Variants in OGDHL observed in about 807,000 individuals in gnomAD.
The protein encoded by OGDHL is oxoglutarate dehydrogenase L, also known as 2-oxoglutarate dehydrogenase-like, mitochondrial.
OGDHL carries 79 observed loss-of-function variants against 109.6 expected under a neutral mutation model. The ratio of observed to expected loss-of-function variants is 0.72; its 90% CI spans 0.60 to 0.87. The LOEUF (loss-of-function observed/expected upper bound fraction) is 0.87, where lower values mean the gene tolerates loss of function less well. OGDHL is among the 40% of genes least tolerant of loss of function. The pLI, the probability that OGDHL is intolerant of heterozygous loss-of-function variation, is 0.00. For missense variants in OGDHL, 1,275 were observed against 1,362.2 expected, an observed-to-expected ratio of 0.94 and a Z score of 1.01; for synonymous variants, 528 against 537.2, an observed-to-expected ratio of 0.98 and a Z score of 0.24.
At chr10:49,743,209 C>A (rs978952322) in intron 14 of OGDHL, among the ~76,000 whole-genome samples, 6 of 152,224 alleles carry the variant, frequency 3.9e-5, no homozygotes, top group African/African-American at 1.2e-4. Context: ...AAGCATTGGC[C>A]ACGTTGCAGA....
intron 3 of OGDHL, chr10:49,756,455 A>G (rs1178905616): frequency 4.6e-6 from 1 of 215,978 alleles, no homozygotes; most frequent in Non-Finnish European, 9.1e-6. Context: ...ACAAGGGTTA[A>G]TCTACTCACC....
rs1564538520 is a variant in OGDHL, at chr10:49,745,481, GCCGGCGGTAA to G, written c.1482_1491del (p.Tyr495ValfsTer27). The G allele has an allele frequency of 1.2e-6, 2 of 1,613,806 alleles. No homozygotes were observed. Among genetic ancestry groups the G allele is most frequent in the Non-Finnish European group, 1.7e-6 (2 of 1,180,046 alleles). On this transcript the variant is annotated frameshift_variant, in exon 12 of 23. Transcript: ENST00000374103. LOFTEE classifies it high-confidence loss of function. ...GGCTCGTCCATCTCATTGTGGCCAC[GCCGGCGGTAA>G]CAGACCTGCAGGAGCAGCCAGAGGG...
At chr10:49,756,089 G>T (rs569759510) in intron 3 of OGDHL, among the ~76,000 whole-genome samples, 1 of 152,340 alleles carries the variant, frequency 6.6e-6, no homozygotes, top group East Asian at 1.9e-4. Flanking sequence ...ATTTCCATTT[G>T]CTAATGCCCC....
Position 49,735,096 on chromosome 10 carries a change from C to T in OGDHL, c.*132G>A. 2 of 1,154,604 alleles carry T rather than the reference C, an allele frequency of 1.7e-6. No individual in the cohort carries two copies. Among genetic ancestry groups the T allele is most frequent in the Non-Finnish European group, 2.5e-6 (2 of 815,630 alleles). The allele number at this position is 1,154,604 out of a possible 1,614,324, so 71.5% of individuals were successfully genotyped here. A position where few individuals can be genotyped will look rare whatever the true frequency, so the allele number is the denominator to read the frequency against. ...AGGCCAGCAGTGCTGGCTCTTGGCC[C>T]TGTCACTGTGTCTGTTTTATCCTGG... On this transcript the variant is annotated 3_prime_UTR_variant, in exon 23 of 23. Transcript: ENST00000374103.
intron 3 of OGDHL, among the ~76,000 whole-genome samples, chr10:49,755,203 C>A (rs1189730524): frequency 6.6e-6 from 1 of 152,174 alleles, no homozygotes; most frequent in Non-Finnish European, 1.5e-5. Flanking sequence ...GAGACTGCAT[C>A]ACTGCACTCC....
At position 49,750,891 on chromosome 10, in the gene OGDHL, C is replaced by G. The variant is rs375656495; in HGVS notation, c.844G>C (p.Asp282His). ...TCAATCCCCATCTCGCTGGATTTGT[C>G]GATGATGGTCTTGAGGGCAGGAATC... ...VMIPALKTIIDKSSEMGIENV... is the reference protein window; with the variant it reads ...VMIPALKTIIHKSSEMGIENV... The change falls in exon 7 of 23, where the codon GAC (aspartate) becomes CAC (histidine). Residue 282 changes from aspartate (D) to histidine (H), a missense_variant. Asp to His is a moderately conservative substitution (Grantham distance 81, BLOSUM62 -1). Transcript: ENST00000374103. 6.2e-7 allele frequency: 1 copy of G among 1,612,312 alleles called. No individual in the cohort carries two copies. The highest frequency in any genetic ancestry group is 2.2e-5 in the East Asian group (1 of 44,870).
intron 3 of OGDHL, among the ~76,000 whole-genome samples, chr10:49,754,435 A>G (rs928944641): frequency 6.6e-6 from 1 of 152,238 alleles, no homozygotes; most frequent in African/African-American, 2.4e-5. Flanking sequence ...AAATCACTGA[A>G]TAAAAGAAAA....
Position 49,744,046 on chromosome 10 carries a change from G to A in OGDHL, c.1809C>T (p.His603=), listed in dbSNP as rs1422339171. 6.2e-7 allele frequency: 1 copy of A among 1,614,156 alleles called. No individual in the cohort carries two copies. The highest frequency in any genetic ancestry group is 1.3e-5 in the African/African-American group (1 of 75,074). ...GCACAGAGCTGGCCACACTGCCGAT[G>A]TGGGTGAGCATGTCCTCAGGGATCC... The part of the protein sequence containing the change: ...ATGIPEDMLT[H]IGSVASSVPL... The change falls in exon 14 of 23, where the codon CAC becomes CAT. Residue 603 remains histidine, a synonymous_variant. Coordinates refer to ENST00000374103, the MANE Select transcript of OGDHL (RefSeq NM_018245.3).
chr10:49,758,335 C>G (rs1843037123), intron 2 of OGDHL, 54 bp downstream of exon 2: 2 of 1,540,100 alleles, frequency 1.3e-6, no homozygotes, highest in Non-Finnish European at 1.8e-6. Context: ...CACAGCCCGG[C>G]CCCCGAGGGC....
intron 1 of OGDHL, among the ~76,000 whole-genome samples, chr10:49,759,256 C>A (rs1843115813): frequency 6.6e-6 from 1 of 152,068 alleles, no homozygotes; most frequent in Non-Finnish European, 1.5e-5. Context: ...CTAGGCCCAA[C>A]AATAGCCCCA....
chr10:49,753,272 T>TA lies in OGDHL; in HGVS notation c.376-533dup, dbSNP rs548096185. Among the ~76,000 whole-genome samples the TA allele has an allele frequency of 3.2e-3, 494 of 152,176 alleles. 5 individuals are homozygous for TA. Among genetic ancestry groups the TA allele is most frequent in the African/African-American group, 0.011 (451 of 41,506 alleles). ...CATTAGAAGGGAAAATCATAAAATTTAAAAAAACCACAACATAAGAAAAAT... is the reference window on the plus strand; with the variant it reads ...CATTAGAAGGGAAAATCATAAAATTTAAAAAAAACCACAACATAAGAAAAAT... On this transcript the variant is annotated intron_variant, in intron 3 of 22. Transcript: ENST00000374103.
chr10:49,754,099 C>T (rs941940652), intron 3 of OGDHL, among the ~76,000 whole-genome samples: 5 of 152,142 alleles, frequency 3.3e-5, no homozygotes, highest in Non-Finnish European at 5.9e-5. Context: ...AAACCCTTTC[C>T]TGGCTCTGAT....
intron 1 of OGDHL, among the ~76,000 whole-genome samples, chr10:49,759,803 C>T (rs1393514239): frequency 3.3e-5 from 5 of 152,214 alleles, no homozygotes; most frequent in Admixed American, 3.3e-4. Context: ...CAAGGACCAC[C>T]CCACAAGGGG....
Position 49,745,905 on chromosome 10 carries a change from C to T in OGDHL, c.1369G>A (p.Ala457Thr). The change falls in exon 11 of 23, where the codon GCG (alanine) becomes ACG (threonine). Residue 457 changes from alanine (A) to threonine (T), a missense_variant. Coordinates refer to ENST00000374103, the MANE Select transcript of OGDHL (RefSeq NM_018245.3). Reference sequence around the variant, plus strand: ...TCGGCATTCACATGGAAGATAGGCGCATTGACCACCCGGGCCACGTCGGTC... The same window carrying T: ...TCGGCATTCACATGGAAGATAGGCGTATTGACCACCCGGGCCACGTCGGTC... ...YPTDVARVVNAPIFHVNADDP... is the reference protein window; with the variant it reads ...YPTDVARVVNTPIFHVNADDP... 1 of 1,614,212 alleles carries T rather than the reference C, an allele frequency of 6.2e-7. No homozygotes were observed. Among genetic ancestry groups the T allele is most frequent in the Non-Finnish European group, 8.5e-7 (1 of 1,180,040 alleles).
chr10:49,745,412 C>T lies in OGDHL; in HGVS notation c.1561G>A (p.Val521Met), dbSNP rs138364161. Residue 521 changes from valine (V) to methionine (M), a missense_variant, in exon 12 of 23, where the codon GTG (valine) becomes ATG (methionine). Coordinates refer to ENST00000374103, the MANE Select transcript of OGDHL (RefSeq NM_018245.3). ...TCTGCGTACTTCTTCAGCACAGGCA[C>T]CTGTCTGTGGATCTGCTTGTACATG... ...PLMYKQIHRQVPVLKKYADKL... is the reference protein window; with the variant it reads ...PLMYKQIHRQMPVLKKYADKL... 6.2e-6 allele frequency: 10 copies of T among 1,614,148 alleles called. No individual in the cohort carries two copies. The South Asian group carries it at 7.7e-5, about 12-fold the overall frequency.
chr10:49,753,388 T>G (rs896426092), intron 3 of OGDHL, among the ~76,000 whole-genome samples: 12 of 152,218 alleles, frequency 7.9e-5, no homozygotes, highest in Non-Finnish European at 2.9e-5. Flanking sequence ...GATTTGACTT[T>G]CAAACCTTGT....
At position 49,745,894 on chromosome 10, in the gene OGDHL, G is replaced by A. The variant is rs1434089783; in HGVS notation, c.1380C>T (p.Phe460=). 6.2e-7 allele frequency: 1 copy of A among 1,614,210 alleles called. No homozygotes were observed. The highest frequency in any genetic ancestry group is 1.7e-5 in the Admixed American group (1 of 60,030). ...CCTCTGGGTCATCGGCATTCACATG[G>A]AAGATAGGCGCATTGACCACCCGGG... ...DVARVVNAPI[F]HVNADDPEAV... is the part of the protein sequence containing the mutation. Residue 460 remains phenylalanine, a synonymous_variant, in exon 11 of 23, where the codon TTC becomes TTT. Coordinates refer to ENST00000374103, the MANE Select transcript of OGDHL (RefSeq NM_018245.3).
intron 20 of OGDHL, among the ~76,000 whole-genome samples, chr10:49,737,191 C>T (rs540704589): frequency 6.6e-6 from 1 of 152,258 alleles, no homozygotes; most frequent in East Asian, 1.9e-4. Flanking sequence ...AACAGCTGCC[C>T]ACCTGCACAG....
chr10:49,758,650 T>G, intron 1 of OGDHL, 57 bp from the exon 2 acceptor site: 43 of 1,552,960 alleles, frequency 2.8e-5, no homozygotes, highest in Non-Finnish European at 3.8e-5. Context: ...AGGAAGAGGC[T>G]CTACCAAGCC....
Sources: gnomAD v4.1 joint callset for allele counts (sites outside exome capture counted in the v4.1 genomes callset) on GRCh38, gnomAD v4.1.1 for gene constraint, MANE v1.5 for transcripts, NCBI Gene and HGNC (gene_info 2026-07-23, HGNC 2026-07-21) for gene names.